AP3M1: variants seen among roughly 807,000 people sequenced by gnomAD.
AP3M1 encodes the protein adaptor related protein complex 3 subunit mu 1.
AP3M1 carries 29 observed loss-of-function variants against 42.6 expected under a neutral mutation model. That is an observed-to-expected ratio of 0.68 (90% CI 0.51 to 0.93). AP3M1 has a LOEUF of 0.93. AP3M1 is among the 40% of genes least tolerant of loss of function. The pLI is 0.00. For missense variants in AP3M1, 416 were observed against 510.2 expected (o/e 0.82, Z 1.78); for synonymous variants, 178 against 175.3 (o/e 1.02, Z -0.12).
chr10:74,138,301 A>C lies in AP3M1; in HGVS notation c.79T>G (p.Ser27Ala). The C allele has an allele frequency of 6.2e-7, 1 of 1,613,484 alleles. No individual in the cohort carries two copies. The highest frequency in any genetic ancestry group is 8.5e-7 in the Non-Finnish European group (1 of 1,179,854). ...EKHWKSVVSQ[S>A]VCDYFFEAQE... ...GCTTCAAAGAAATAATCACAGACAG[A>C]CTGGCTCACAACGCTCTTCCAGTGC... is the stretch of plus-strand genomic sequence containing the variant. The change falls in exon 2 of 9, where the codon TCT (serine) becomes GCT (alanine). Residue 27 changes from serine to alanine, a missense_variant. Transcript: ENST00000355264.
In AP3M1 at chr10:74,123,508, C is replaced by T. The variant is rs1454573620; in HGVS notation, c.*302G>A. 7.8e-6 allele frequency: 3 copies of T among 385,856 alleles called. No individual in the cohort carries two copies. Among genetic ancestry groups the T allele is most frequent in the South Asian group, 6.5e-5 (2 of 30,570 alleles). The allele number at this position is 385,856 out of a possible 1,614,324, so 23.9% of individuals were successfully genotyped here. ...TCTTTTAGGAGAGAGGTTATCACTA[C>T]AGCTTTCTGCCTTTACTGTTACAAT... On this transcript the variant is annotated 3_prime_UTR_variant, in exon 9 of 9. Coordinates refer to ENST00000355264, the MANE Select transcript of AP3M1 (RefSeq NM_012095.6).
intron 4 of AP3M1, among the ~76,000 whole-genome samples, chr10:74,131,474 A>G (rs1840779658): frequency 6.6e-6 from 1 of 151,892 alleles, no homozygotes; most frequent in Admixed American, 6.6e-5. Flanking sequence ...GCTTCAATAG[A>G]ATTTTAAAAT....
intron 4 of AP3M1, among the ~76,000 whole-genome samples, chr10:74,132,362 C>T (rs10824078): frequency 0.13 from 19,156 of 151,256 alleles, 1,226 homozygotes; most frequent in Middle Eastern, 0.21. Flanking sequence ...TAAAATTTTA[C>T]GATTCTTATA....
Position 74,136,680 on chromosome 10 carries a change from A to T in AP3M1, c.397T>A (p.Leu133Met), listed in dbSNP as rs184174465. 1 of 1,597,122 alleles carries T rather than the reference A, an allele frequency of 6.3e-7. No individual in the cohort carries two copies. Among genetic ancestry groups the T allele is most frequent in the Non-Finnish European group, 8.6e-7 (1 of 1,166,968 alleles). ...LATESNILKE[L>M]IKPPTILRSV... ...CGTAGAATTGTTGGTGGTTTAATCA[A>T]TTCTTTCAAAATGTTAGATTCGGTA... The change falls in exon 3 of 9, where the codon TTG becomes ATG. Residue 133 changes from leucine to methionine, a missense_variant. Physicochemically the swap from Leu to Met is conservative, Grantham distance 15. Transcript: ENST00000355264.
chr10:74,138,445 AG>A (rs1034419524), intron 1 of AP3M1, 63 bp from the exon 2 acceptor site: 1 of 1,448,096 alleles, frequency 6.9e-7, no homozygotes, highest in African/African-American at 1.4e-5. Context: ...ATACACAAAA[AG>A]ATTATACACC....
chr10:74,128,646 G>A (rs941836790), intron 6 of AP3M1, among the ~76,000 whole-genome samples: 2 of 152,044 alleles, frequency 1.3e-5, no homozygotes, highest in African/African-American at 4.8e-5. Context: ...TCTCCTTGTT[G>A]GCCACAAACT....
At chr10:74,135,254 G>T (rs529967164) in intron 3 of AP3M1, among the ~76,000 whole-genome samples, 1 of 152,200 alleles carries the variant, frequency 6.6e-6, no homozygotes, top group African/African-American at 2.4e-5. Flanking sequence ...TCTGCTAAAG[G>T]GATTAATAAA....
At chr10:74,129,373 T>C (rs1013678940) in intron 5 of AP3M1, 132 bp from the exon 6 acceptor site, 2 of 776,340 alleles carry the variant, frequency 2.6e-6, no homozygotes, top group Admixed American at 6.3e-5. Context: ...CTACACAACC[T>C]TATAGTTTCA....
chr10:74,143,796 CTAAT>C (rs1841234460), intron 1 of AP3M1, among the ~76,000 whole-genome samples: 5 of 152,154 alleles, frequency 3.3e-5, no homozygotes, highest in Admixed American at 3.3e-4. Flanking sequence ...CTTGTAGAGA[CTAAT>C]TATTAGGAAC....
intron 4 of AP3M1, among the ~76,000 whole-genome samples, chr10:74,133,574 A>C (rs1840847037): frequency 6.6e-6 from 1 of 152,070 alleles, no homozygotes; most frequent in South Asian, 2.1e-4. Flanking sequence ...TAAATAAATA[A>C]ATAAACAAAC....
At chr10:74,147,596 C>T (rs922492932) in intron 1 of AP3M1, among the ~76,000 whole-genome samples, 3 of 152,134 alleles carry the variant, frequency 2.0e-5, no homozygotes, top group Non-Finnish European at 4.4e-5. Flanking sequence ...TGTATTTGTG[C>T]TTTACACATA....
chr10:74,127,862 A>G (rs1290248549), intron 6 of AP3M1, among the ~76,000 whole-genome samples: 2 of 152,068 alleles, frequency 1.3e-5, no homozygotes, highest in Non-Finnish European at 2.9e-5. Flanking sequence ...GCACTTTGGG[A>G]GGCTGAGGTG....
chr10:74,127,695 A>G (rs1017160590), intron 6 of AP3M1, among the ~76,000 whole-genome samples: 4 of 152,008 alleles, frequency 2.6e-5, no homozygotes, highest in Non-Finnish European at 5.9e-5. Context: ...CATAAAACAA[A>G]CAAACAAAAA....
chr10:74,129,960 T>A lies in AP3M1; in HGVS notation c.616A>T (p.Ile206Phe). Residue 206 changes from isoleucine to phenylalanine, a missense_variant, in exon 5 of 9, where the codon ATT becomes TTT. Physicochemically the swap from Ile to Phe is conservative, Grantham distance 21. Transcript: ENST00000355264. ...CCAGATAGTTTAATGCAAGCATCAA[T>A]GACCCCCTGAATTTCTGCAAAGACT... ...STVFAEIQGVIDACIKLSGMP... is the reference protein window; with the variant it reads ...STVFAEIQGVFDACIKLSGMP... 6.2e-7 allele frequency: 1 copy of A among 1,612,774 alleles called. No individual in the cohort carries two copies. The highest frequency in any genetic ancestry group is 8.5e-7 in the Non-Finnish European group (1 of 1,179,662).
rs558853921 is a variant in AP3M1, at chr10:74,120,773, C to A, written c.*3037G>T. The A allele has an allele frequency of 2.6e-5, 4 of 152,490 alleles. No individual in the cohort carries two copies. The East Asian group carries it at 5.8e-4, about 22-fold the overall frequency. 9.4% of individuals were successfully genotyped at this position (152,490 alleles called of 1,614,324 possible). On this transcript the variant is annotated 3_prime_UTR_variant, in exon 9 of 9. Coordinates refer to ENST00000355264, the MANE Select transcript of AP3M1 (RefSeq NM_012095.6). ...CCTCAAGTGATCCGCCCACCTTGAC[C>A]TCCCAAAGTGCTGGGATTACAGGTG... is the stretch of plus-strand genomic sequence containing the variant.
rs1840960396 is a variant in AP3M1 at position 74,136,756 on chromosome 10, G to T, written c.321C>A (p.Val107=). 1.9e-6 allele frequency: 3 copies of T among 1,566,406 alleles called. No individual in the cohort carries two copies. Among genetic ancestry groups the T allele is most frequent in the African/African-American group, 2.7e-5 (2 of 74,140 alleles). The change falls in exon 3 of 9, where the codon GTC becomes GTA. Residue 107 remains valine, a synonymous_variant. Coordinates refer to ENST00000355264, the MANE Select transcript of AP3M1 (RefSeq NM_012095.6). ...CSEAAIKDNV[V]IVYELLEEML... is the part of the protein sequence containing the mutation. ...TTTCTTCTAAGAGTTCATATACTAT[G>T]ACCACATTATCCTTAATTGCAGCCT...
intron 1 of AP3M1, among the ~76,000 whole-genome samples, chr10:74,147,282 C>G (rs1564557579): frequency 9.1e-6 from 1 of 109,410 alleles, no homozygotes; most frequent in Non-Finnish European, 2.3e-5. Context: ...GAGACTCCAT[C>G]TCAACAACAA....
intron 5 of AP3M1, among the ~76,000 whole-genome samples, chr10:74,129,619 T>C (rs954465208): frequency 6.6e-6 from 1 of 152,312 alleles, no homozygotes; most frequent in South Asian, 2.1e-4. Context: ...TCCTTTCATA[T>C]CAGCAAAGCA....
Position 74,126,219 on chromosome 10 carries a change from T to C in AP3M1, c.940A>G (p.Met314Val), listed in dbSNP as rs1057182532. ...TTCATGTTCAGCACAACTTTTGGCATGTGAACTGTCACTGTAATTCCTTCA... is the reference window on the plus strand; with the variant it reads ...TTCATGTTCAGCACAACTTTTGGCACGTGAACTGTCACTGTAATTCCTTCA... The part of the protein sequence containing the change: ...TIEGITVTVH[M>V]PKVVLNMNLT... The change falls in exon 7 of 9, where the codon ATG (methionine) becomes GTG (valine). Residue 314 changes from methionine (M) to valine (V), a missense_variant. Transcript: ENST00000355264. 3 of 1,614,238 alleles carry C rather than the reference T, an allele frequency of 1.9e-6. No homozygotes were observed. The highest frequency in any genetic ancestry group is 8.5e-7 in the Non-Finnish European group (1 of 1,180,042).
Sources: gnomAD v4.1 joint callset for allele counts (sites outside exome capture counted in the v4.1 genomes callset) on GRCh38, gnomAD v4.1.1 for gene constraint, MANE v1.5 for transcripts, NCBI Gene and HGNC (gene_info 2026-07-23, HGNC 2026-07-21) for gene names.